Variants in RBM20 observed in about 807,000 individuals in gnomAD.
RBM20 encodes the protein RNA-binding protein 20.
RBM20 carries 51 observed loss-of-function variants against 110.1 expected under a neutral mutation model. The ratio of observed to expected loss-of-function variants is 0.46; its 90% CI spans 0.37 to 0.59. RBM20 has a LOEUF of 0.59. RBM20 is among the 20% of genes least tolerant of loss of function. The probability of loss-of-function intolerance (pLI) is 0.00; values close to 1 mark genes in which losing one functional copy is unlikely to be tolerated. For missense variants in RBM20, 1,512 were observed against 1,574.9 expected (o/e 0.96, Z 0.68); for synonymous variants, 589 against 618.2 (o/e 0.95, Z 0.70).
chr10:110,740,787 C>T (rs543571852), intron 1 of RBM20, among the ~76,000 whole-genome samples: 9 of 152,238 alleles, frequency 5.9e-5, no homozygotes, highest in African/African-American at 9.6e-5. Flanking sequence ...CAAAGACACT[C>T]GTTCTAGGGG....
chr10:110,812,384 G>A lies in RBM20; in HGVS notation c.1987G>A (p.Gly663Ser). The part of the protein sequence containing the change: ...TSCSSSHSPP[G>S]PSRADWGNGR... The stretch of plus-strand genomic sequence containing the variant: ...CTGCAGCTCTTCCCACAGCCCTCCG[G>A]GCCCCTCCCGGGCTGACTGGGGCAA... Residue 663 changes from glycine to serine, a missense_variant, in exon 9 of 14, where the codon GGC becomes AGC. Around this residue, in one of 3 missense-constraint regions of RBM20, gnomAD observed 1,149 missense variants for 1,169.4 expected, o/e 0.98. Transcript: ENST00000369519. The A allele has an allele frequency of 6.4e-7, 1 of 1,551,642 alleles. No homozygotes were observed.
chr10:110,742,238 G>A (rs1843733135), intron 1 of RBM20, among the ~76,000 whole-genome samples: 1 of 152,190 alleles, frequency 6.6e-6, no homozygotes, highest in African/African-American at 2.4e-5. Flanking sequence ...CATCAGAGGA[G>A]CCTTCTGCAC....
intron 1 of RBM20, among the ~76,000 whole-genome samples, chr10:110,668,205 A>G (rs894519454): frequency 8.6e-5 from 13 of 151,934 alleles, no homozygotes; most frequent in African/African-American, 2.7e-4. Context: ...TATGCCAAGC[A>G]TCCCGCCTGG....
chr10:110,823,331 C>A (rs1844938349), intron 11 of RBM20, 149 bp from the exon 12 acceptor site: 2 of 1,013,390 alleles, frequency 2.0e-6, no homozygotes, highest in Non-Finnish European at 1.4e-6. Flanking sequence ...AATTAGCAAC[C>A]ATTGCCCCAG....
intron 1 of RBM20, among the ~76,000 whole-genome samples, chr10:110,665,399 GT>G (rs66469423): frequency 0.38 from 58,369 of 152,016 alleles, 13,417 homozygotes; most frequent in East Asian, 0.71. Context: ...TTAACTACCA[GT>G]TTATAGAAAA....
At chr10:110,808,664 C>T (rs1434924575) in intron 7 of RBM20, among the ~76,000 whole-genome samples, 3 of 152,126 alleles carry the variant, frequency 2.0e-5, no homozygotes, top group South Asian at 2.1e-4. Context: ...GGTGAGGTCC[C>T]TCCCTCACTT....
In RBM20 at chr10:110,765,343, A is replaced by T. The variant is rs140781590; in HGVS notation, c.192-15458A>T. ...TCTCGTATGTGTTGAGTGTTGACTC[A>T]TTCTGGACCAGGAGGGGAGTGCCGT... On this transcript the variant is annotated intron_variant, in intron 1 of 13. Coordinates refer to ENST00000369519, the MANE Select transcript of RBM20 (RefSeq NM_001134363.3). Among the ~76,000 whole-genome samples, 916 of 152,118 alleles carry T rather than the reference A, an allele frequency of 6.0e-3. 9 individuals carry two copies. The highest frequency in any genetic ancestry group is 0.021 in the African/African-American group (887 of 41,490).
intron 1 of RBM20, among the ~76,000 whole-genome samples, chr10:110,767,689 CG>C (rs1029017404): frequency 6.7e-6 from 1 of 149,718 alleles, no homozygotes; most frequent in Non-Finnish European, 1.5e-5. Flanking sequence ...ACATCCCAGA[CG>C]GGGTGGCGGG....
intron 1 of RBM20, among the ~76,000 whole-genome samples, chr10:110,680,887 C>T (rs1263630697): frequency 6.6e-6 from 1 of 152,198 alleles, no homozygotes; most frequent in Non-Finnish European, 1.5e-5. Flanking sequence ...GCTCCCCTCT[C>T]CCCACTCATT....
intron 1 of RBM20, among the ~76,000 whole-genome samples, chr10:110,731,445 A>T (rs904396276): frequency 1.3e-5 from 2 of 152,204 alleles, no homozygotes; most frequent in African/African-American, 4.8e-5. Flanking sequence ...TGTTCTATCC[A>T]TAGGTTCTTA....
At chr10:110,686,486 A>G (rs1862506765) in intron 1 of RBM20, among the ~76,000 whole-genome samples, 2 of 152,034 alleles carry the variant, frequency 1.3e-5, no homozygotes, top group Non-Finnish European at 2.9e-5. Flanking sequence ...GAAATTACAC[A>G]TGGTAGCGCA....
intron 1 of RBM20, among the ~76,000 whole-genome samples, chr10:110,657,021 CT>C (rs58478679): frequency 0.18 from 26,061 of 142,712 alleles, 3,055 homozygotes; most frequent in African/African-American, 0.34. Context: ...TATGGTAATT[CT>C]TTTTTTTTTT....
chr10:110,689,250 T>C (rs1192871920), intron 1 of RBM20, among the ~76,000 whole-genome samples: 2 of 152,220 alleles, frequency 1.3e-5, no homozygotes, highest in Non-Finnish European at 2.9e-5. Context: ...CAGCACGTGC[T>C]GACTGGGGCC....
chr10:110,807,685 G>A (rs74770609), intron 7 of RBM20, among the ~76,000 whole-genome samples: 2,640 of 152,292 alleles, frequency 0.017, 35 homozygotes, highest in Middle Eastern at 0.048. Flanking sequence ...CTCCTCCCAC[G>A]TCGGTCTTTC....
chr10:110,809,488 T>C (rs959196862), intron 7 of RBM20, among the ~76,000 whole-genome samples: 4 of 152,172 alleles, frequency 2.6e-5, no homozygotes, highest in African/African-American at 9.7e-5. Flanking sequence ...TGAATTTCTT[T>C]TTAAAAATCA....
At chr10:110,643,246 G>T (rs140841308), upstream of RBM20, among the ~76,000 whole-genome samples, 58 of 152,384 alleles carry the variant, frequency 3.8e-4, 1 homozygote, top group African/African-American at 1.4e-3. Flanking sequence ...TCAGGACTTA[G>T]AACTCCTGTA....
At chr10:110,787,028 C>T (rs761635212) in intron 5 of RBM20, among the ~76,000 whole-genome samples, 3 of 152,226 alleles carry the variant, frequency 2.0e-5, no homozygotes, top group Non-Finnish European at 2.9e-5. Flanking sequence ...GAGACCCTTT[C>T]CTATGGACTT....
intron 1 of RBM20, among the ~76,000 whole-genome samples, chr10:110,676,676 A>G (rs150866829): frequency 2.0e-5 from 3 of 152,362 alleles, no homozygotes; most frequent in Non-Finnish European, 2.9e-5. Context: ...ATTAGGAAGA[A>G]CAACTTCTTG....
chr10:110,684,415 AAAACAAAAC>A (rs1209392831), intron 1 of RBM20, among the ~76,000 whole-genome samples: 6 of 151,688 alleles, frequency 4.0e-5, no homozygotes, highest in Non-Finnish European at 5.9e-5. Flanking sequence ...AAAACAAAAC[AAAACAAAAC>A]AAAAGAAAAA....
Sources: allele counts gnomAD v4.1 joint callset (sites outside exome capture counted in the v4.1 genomes callset), GRCh38; gene constraint gnomAD v4.1.1; regional missense constraint gnomAD v4.1.1; transcripts MANE v1.5; gene names NCBI Gene and HGNC (gene_info 2026-07-23, HGNC 2026-07-21).